SLC6A14: variants seen among roughly 807,000 people sequenced by gnomAD.
SLC6A14 encodes solute carrier family 6 member 14.
A neutral mutation model predicts 51.4 loss-of-function variants in SLC6A14; 21 were observed. That is an observed-to-expected ratio of 0.41 (90% confidence interval 0.29 to 0.59). SLC6A14 has a LOEUF of 0.59. Ranked by LOEUF, SLC6A14 falls within the 20% of genes least tolerant of loss-of-function variation. The pLI is 0.31. For synonymous variants in SLC6A14, 177 were observed against 160.7 expected (o/e 1.10, Z -0.77); for missense variants, 371 against 472.8 (o/e 0.78, Z 2.00).
At position 116,441,117 on chromosome X, in the gene SLC6A14, C is replaced by A. The variant is rs187403216; in HGVS notation, c.346+20C>A. ...TTCAAGGTTGGTATTAAAGCGTTTTCTTGGTATTAAAGCATTTTCTTCACC... is the reference window on the plus strand; with the variant it reads ...TTCAAGGTTGGTATTAAAGCGTTTTATTGGTATTAAAGCATTTTCTTCACC... On this transcript the variant is annotated intron_variant, in intron 3 of 13. Transcript: ENST00000598581. 220 of 1,202,089 alleles carry A rather than the reference C, an allele frequency of 1.8e-4. No individual in the cohort carries two copies. The African/African-American group carries it at 3.0e-3, about 16-fold the overall frequency.
Position 116,451,640 on chromosome X carries a change from G to C in SLC6A14, c.1129G>C (p.Gly377Arg), listed in dbSNP as rs781931614. ...SILGHMAHIS[G>R]KEVSQVVKSG... is the part of the protein sequence containing the mutation. ...ATTGGGACACATGGCCCATATATCT[G>C]GAAAGGAAGTTTCTCAAGTTGTAAA... Residue 377 changes from glycine (G) to arginine (R), a missense_variant, in exon 8 of 14, where the codon GGA (glycine) becomes CGA (arginine). Physicochemically the swap from Gly to Arg is moderately radical, Grantham distance 125. Around this residue, in one of 2 missense-constraint regions of SLC6A14, gnomAD observed 277 missense variants for 391.8 expected, o/e 0.71. Transcript: ENST00000598581. 4.2e-6 allele frequency: 5 copies of C among 1,197,467 alleles called. No homozygotes were observed. The highest frequency in any genetic ancestry group is 5.6e-6 in the Non-Finnish European group (5 of 885,620).
chrX:116,458,560 C>T (rs1419956324), intron 13 of SLC6A14, among the ~76,000 whole-genome samples: 1 of 111,779 alleles, frequency 8.9e-6, no homozygotes, highest in East Asian at 2.8e-4. Context: ...AAATCATTTA[C>T]TTGCTCAGCT....
Position 116,441,099 on chromosome X carries a change from T to G in SLC6A14, c.346+2T>G. ...GGAGGATTCTTCCATTGTTTCAAGG[T>G]TGGTATTAAAGCGTTTTCTTGGTAT... On this transcript the variant is annotated splice_donor_variant, in intron 3 of 13. Coordinates refer to ENST00000598581, the MANE Select transcript of SLC6A14 (RefSeq NM_007231.5). LOFTEE classifies it high-confidence loss of function. The G allele has an allele frequency of 8.3e-7, 1 of 1,209,412 alleles. No homozygotes were observed. Among genetic ancestry groups the G allele is most frequent in the Non-Finnish European group, 1.1e-6 (1 of 894,112 alleles).
intron 7 of SLC6A14, among the ~76,000 whole-genome samples, chrX:116,448,808 CTG>C (rs2147388521): frequency 9.0e-6 from 1 of 111,336 alleles, no homozygotes; most frequent in Non-Finnish European, 1.9e-5. Context: ...TTATATTGGT[CTG>C]TGTTTCAGTG....
intron 5 of SLC6A14, among the ~76,000 whole-genome samples, chrX:116,444,365 A>G (rs886215319): frequency 2.7e-5 from 3 of 111,487 alleles, no homozygotes; most frequent in Admixed American, 9.6e-5. Flanking sequence ...ACTCTTTTAA[A>G]CTTTGGATCT....
In SLC6A14 at chrX:116,441,039, G is replaced by A. The variant is rs1318522106; in HGVS notation, c.288G>A (p.Leu96=). 1 of 1,209,761 alleles carries A rather than the reference G, an allele frequency of 8.3e-7. No individual in the cohort carries two copies. The highest frequency in any genetic ancestry group is 1.1e-6 in the Non-Finnish European group (1 of 893,889). The part of the protein sequence containing the change: ...GLPLFFLECS[L]GQFASLGPVS... The stretch of plus-strand genomic sequence containing the variant: ...CTTTGTTCTTTCTGGAGTGTTCACT[G>A]GGACAATTTGCTAGCTTAGGTCCAG... Residue 96 remains leucine (L), a synonymous_variant, in exon 3 of 14, where the codon CTG becomes CTA. Transcript: ENST00000598581.
intron 7 of SLC6A14, among the ~76,000 whole-genome samples, 173 bp downstream of exon 7, chrX:116,447,054 C>A (rs1927729133): frequency 9.0e-6 from 1 of 111,647 alleles, no homozygotes; most frequent in Non-Finnish European, 1.9e-5. Context: ...ATTTAACCTG[C>A]CATTAATATT....
In SLC6A14 at chrX:116,459,146, A is replaced by G. The variant is rs781800670; in HGVS notation, c.*191A>G. The G allele has an allele frequency of 1.2e-5, 4 of 332,595 alleles. No individual in the cohort carries two copies. Among genetic ancestry groups the G allele is most frequent in the Admixed American group, 5.7e-5 (1 of 17,541 alleles). 27.4% of individuals were successfully genotyped at this position (332,595 alleles called of 1,213,427 possible). A position where few individuals can be genotyped will look rare whatever the true frequency, so the allele number is the denominator to read the frequency against. ...CTTAATTCTCAGCCATGTGCTTATT[A>G]TATTTCTTTTTAGATTGTCTATCTG... On this transcript the variant is annotated 3_prime_UTR_variant, in exon 14 of 14. Transcript: ENST00000598581.
At chrX:116,455,549 G>A (rs782194749) in intron 12 of SLC6A14, 83 bp downstream of exon 12, 2 of 646,116 alleles carry the variant, frequency 3.1e-6, no homozygotes, top group East Asian at 6.9e-5. Flanking sequence ...GAAGACAAAA[G>A]GCAAATTAAT....
chrX:116,459,038 A>G lies in SLC6A14; in HGVS notation c.*83A>G, dbSNP rs1927990774. On this transcript the variant is annotated 3_prime_UTR_variant, in exon 14 of 14. Transcript: ENST00000598581. ...ACCTTATTTATTTGTGTGTTAACTGAATAGGAAAATGTACATACTATGTTC... is the reference window on the plus strand; with the variant it reads ...ACCTTATTTATTTGTGTGTTAACTGGATAGGAAAATGTACATACTATGTTC... The G allele has an allele frequency of 3.8e-6, 3 of 799,844 alleles. No homozygotes were observed. The South Asian group carries it at 9.0e-5, about 24-fold the overall frequency. 65.9% of individuals were successfully genotyped at this position (799,844 alleles called of 1,213,427 possible). A position where few individuals can be genotyped will look rare whatever the true frequency, so the allele number is the denominator to read the frequency against.
intron 7 of SLC6A14, 69 bp downstream of exon 7, chrX:116,446,950 G>C: frequency 1.1e-6 from 1 of 928,775 alleles, no homozygotes; most frequent in Non-Finnish European, 1.5e-6. Flanking sequence ...AAACATCTTT[G>C]GTTCCATATG....
intron 7 of SLC6A14, among the ~76,000 whole-genome samples, chrX:116,447,572 G>T (rs1927739613): frequency 9.8e-6 from 1 of 101,838 alleles, no homozygotes; most frequent in Non-Finnish European, 2.0e-5. Flanking sequence ...TATTAGTATG[G>T]TCTAGAATGC....
At position 116,457,653 on chromosome X, in the gene SLC6A14, T is replaced by C. The variant is rs1556694863; in HGVS notation, c.1659T>C (p.Tyr553=). The C allele has an allele frequency of 2.5e-6, 3 of 1,208,678 alleles. No homozygotes were observed. The highest frequency in any genetic ancestry group is 1.8e-5 in the South Asian group (1 of 56,761). ...WSLVQFHRPN[Y]GAIPYPDWGV... ...TGGTGCAATTTCATAGACCTAATTA[T>C]GGCGCAATTCCATACCCTGACTGGG... is the stretch of plus-strand genomic sequence containing the variant. Residue 553 remains tyrosine (Y), a synonymous_variant, in exon 13 of 14, where the codon TAT becomes TAC. Coordinates refer to ENST00000598581, the MANE Select transcript of SLC6A14 (RefSeq NM_007231.5).
chrX:116,441,098 G>GTTGGTATTAAAGCGTTTTC lies in SLC6A14; in HGVS notation c.346+15_346+33dup, dbSNP rs1927587527. 9 of 1,209,230 alleles carry GTTGGTATTAAAGCGTTTTC rather than the reference G, an allele frequency of 7.4e-6. No individual in the cohort carries two copies. The highest frequency in any genetic ancestry group is 2.2e-6 in the Non-Finnish European group (2 of 894,059). ...TGGAGGATTCTTCCATTGTTTCAAG[G>GTTGGTATTAAAGCGTTTTC]TTGGTATTAAAGCGTTTTCTTGGTA... On this transcript the variant is annotated splice_donor_variant, in intron 3 of 13. Coordinates refer to ENST00000598581, the MANE Select transcript of SLC6A14 (RefSeq NM_007231.5). LOFTEE classifies it high-confidence loss of function.
Position 116,457,666 on chromosome X carries a change from T to C in SLC6A14, c.1672T>C (p.Tyr558His). 2 of 1,206,353 alleles carry C rather than the reference T, an allele frequency of 1.7e-6. No individual in the cohort carries two copies. The highest frequency in any genetic ancestry group is 1.8e-5 in the South Asian group (1 of 56,829). The change falls in exon 13 of 14, where the codon TAC (tyrosine) becomes CAC (histidine). Residue 558 changes from tyrosine (Y) to histidine (H), a missense_variant. Tyr to His is a moderately conservative substitution (Grantham distance 83). Coordinates refer to ENST00000598581, the MANE Select transcript of SLC6A14 (RefSeq NM_007231.5). ...TAGACCTAATTATGGCGCAATTCCA[T>C]ACCCTGACTGGGGAGTTGCTTTAGG... is the stretch of plus-strand genomic sequence containing the variant. ...FHRPNYGAIP[Y>H]PDWGVALGWC...
intron 12 of SLC6A14, among the ~76,000 whole-genome samples, chrX:116,456,602 T>C (rs782060524): frequency 9.0e-6 from 1 of 111,302 alleles, no homozygotes; most frequent in South Asian, 3.7e-4. Flanking sequence ...GTATTAGATA[T>C]GAAATGATTT....
intron 12 of SLC6A14, among the ~76,000 whole-genome samples, chrX:116,455,916 T>G (rs1231888527): frequency 9.0e-6 from 1 of 111,479 alleles, no homozygotes; most frequent in Non-Finnish European, 1.9e-5. Flanking sequence ...AGTCATATTT[T>G]AATTCATATT....
chrX:116,449,203 T>C (rs1293570312), intron 7 of SLC6A14, among the ~76,000 whole-genome samples: 1 of 112,105 alleles, frequency 8.9e-6, no homozygotes, highest in Non-Finnish European at 1.9e-5. Context: ...CACAGCCAAT[T>C]AATAAAGTTT....
At chrX:116,457,514 G>T in intron 12 of SLC6A14, 95 bp from the exon 13 acceptor site, 3 of 639,925 alleles carry the variant, frequency 4.7e-6, no homozygotes, top group South Asian at 4.5e-5. Context: ...AACTATTTTT[G>T]ATAAATCACA....
Sources: allele counts gnomAD v4.1 joint callset (sites outside exome capture counted in the v4.1 genomes callset), GRCh38; gene constraint gnomAD v4.1.1; regional missense constraint gnomAD v4.1.1; transcripts MANE v1.5; gene names NCBI Gene and HGNC (gene_info 2026-07-23, HGNC 2026-07-21).